Variants in CELF2 observed in about 807,000 individuals in gnomAD.
CELF2 encodes the protein CUGBP Elav-like family member 2.
Under a neutral mutation model 62.6 loss-of-function variants are expected in CELF2, and 8 were observed. That is an observed-to-expected ratio of 0.13 (90% confidence interval 0.07 to 0.23). The LOEUF (loss-of-function observed/expected upper bound fraction) is 0.23. Among genes scored for constraint, CELF2 ranks in the 10% least tolerant of loss-of-function variants. The probability of loss-of-function intolerance (pLI) is 1.00; values close to 1 mark genes in which losing one functional copy is unlikely to be tolerated. For missense variants in CELF2, 333 were observed against 671.0 expected (o/e 0.50, Z 5.56); for synonymous variants, 258 against 250.0 (o/e 1.03, Z -0.30).
At chr10:11,298,845 G>C (rs1338602380) in intron 9 of CELF2, among the ~76,000 whole-genome samples, 1 of 152,192 alleles carries the variant, frequency 6.6e-6, no homozygotes, top group Non-Finnish European at 1.5e-5. Flanking sequence ...GTTAAAACTA[G>C]AATGAGGGCT....
chr10:10,498,408 T>C, the CELF2 span, among the ~76,000 whole-genome samples: 5 of 152,190 alleles, frequency 3.3e-5, no homozygotes, highest in Admixed American at 1.3e-4. Context: ...ATGGTGAAAG[T>C]TGGCCAAGTC....
chr10:11,132,052 A>G (rs147058554), intron 1 of CELF2, among the ~76,000 whole-genome samples: 1 of 152,370 alleles, frequency 6.6e-6, no homozygotes, highest in African/African-American at 2.4e-5. Context: ...GACAGAAAGT[A>G]CAGTTTATAT....
In CELF2 at chr10:11,316,577, T is replaced by A. The variant is rs1263540636; in HGVS notation, c.1096+2319T>A. ...TGGTTACCTGGACAGAGTCAGCTTC[T>A]CAAATAGTTGACGGCAGCTTCCATA... On this transcript the variant is annotated intron_variant, in intron 10 of 12. Transcript: ENST00000633077. The surrounding 1 kb of genome is among the most constrained non-coding windows in gnomAD (Gnocchi z 4.4). Among the ~76,000 whole-genome samples, 1 of 152,198 alleles carries A rather than the reference T, an allele frequency of 6.6e-6. No individual in the cohort carries two copies. Among genetic ancestry groups the A allele is most frequent in the Non-Finnish European group, 1.5e-5 (1 of 68,044 alleles).
chr10:11,087,451 G>T (rs1206381885), intron 1 of CELF2, among the ~76,000 whole-genome samples: 1 of 152,208 alleles, frequency 6.6e-6, no homozygotes, highest in Admixed American at 6.5e-5. Flanking sequence ...AATTGCCCAG[G>T]TGAAGGGAAG....
At chr10:10,805,084 T>C (rs1389165588) in intron 1 of CELF2, among the ~76,000 whole-genome samples, 4 of 152,350 alleles carry the variant, frequency 2.6e-5, no homozygotes, top group South Asian at 2.1e-4. Context: ...TGCCATGCCT[T>C]ATGCTAAGTG....
chr10:11,093,941 A>G (rs915486944), intron 1 of CELF2, among the ~76,000 whole-genome samples: 2 of 152,236 alleles, frequency 1.3e-5, no homozygotes, highest in Non-Finnish European at 2.9e-5. Flanking sequence ...ATTGTCATGG[A>G]CAATTAGTAG....
rs186652592 is a variant in CELF2 at position 11,195,223 on chromosome 10, C to G, written c.272-22202C>G. Among the ~76,000 whole-genome samples the G allele has an allele frequency of 4.0e-3, 613 of 152,306 alleles. 8 individuals carry two copies. The highest frequency in any genetic ancestry group is 9.0e-3 in the Admixed American group (138 of 15,300). On this transcript the variant is annotated intron_variant, in intron 2 of 12. Transcript: ENST00000633077. ...ACTTGGCACTTTTACTGTCCTCTTG[C>G]GAGACTATCCTCCAAGTGCTGTCTG... is the stretch of plus-strand genomic sequence containing the variant.
At position 11,217,366 on chromosome 10, in the gene CELF2, A is replaced by G. The variant is rs2063619580; in HGVS notation, c.272-59A>G. ...AGATTGTTTGTTCGCCACAGTCTCC[A>G]TTATATCTAAGCAAAGCATTCACAG... On this transcript the variant is annotated intron_variant, in intron 2 of 12. Transcript: ENST00000633077. This position sits in a 1 kb window ranked among gnomAD's most constrained non-coding sequence, Gnocchi z 5.6. The G allele has an allele frequency of 2.5e-6, 3 of 1,222,472 alleles. No individual in the cohort carries two copies. The highest frequency in any genetic ancestry group is 1.8e-5 in the Admixed American group (1 of 54,228). The allele number at this position is 1,222,472 out of a possible 1,614,324, so 75.7% of individuals were successfully genotyped here. A position where few individuals can be genotyped will look rare whatever the true frequency, so the allele number is the denominator to read the frequency against.
intron 1 of CELF2, among the ~76,000 whole-genome samples, chr10:11,147,925 GCA>G (rs2132527695): frequency 6.6e-6 from 1 of 152,352 alleles, no homozygotes; most frequent in East Asian, 1.9e-4. Context: ...AGGAGGCATG[GCA>G]CAGTGGCAGC....
intron 9 of CELF2, among the ~76,000 whole-genome samples, chr10:11,295,326 C>A (rs1310981582): frequency 6.6e-6 from 1 of 152,232 alleles, no homozygotes; most frequent in Non-Finnish European, 1.5e-5. Context: ...CATGTCCTTT[C>A]TCTTCTAGCA....
chr10:11,000,085 C>T lies in CELF2; in HGVS notation c.89+80086C>T, dbSNP rs188125807. Among the ~76,000 whole-genome samples, 29 of 152,280 alleles carry T rather than the reference C, an allele frequency of 1.9e-4. No homozygotes were observed. In the East Asian group the frequency reaches 5.2e-3, roughly 27 times the overall value. ...AGTGGTGCTTGGCAAAACATTAGGC[C>T]AAAACTGATCTCTCCATTGTGAACA... On this transcript the variant is annotated intron_variant, in intron 2 of 13. Transcript: ENST00000636488.
chr10:11,335,376 C>T lies in CELF2; in HGVS notation c.*6323C>T, dbSNP rs2096100012. 1.3e-5 allele frequency: 2 copies of T among 152,404 alleles called. No individual in the cohort carries two copies. The highest frequency in any genetic ancestry group is 2.1e-4 in the South Asian group (1 of 4,832). The allele number at this position is 152,404 out of a possible 1,614,324, so 9.4% of individuals were successfully genotyped here. ...AGCTCTGACTCAGGCCACCCAGCACCTGGCAGCCTTCCTCTGCGTGCCAGT... is the reference window on the plus strand; with the variant it reads ...AGCTCTGACTCAGGCCACCCAGCACTTGGCAGCCTTCCTCTGCGTGCCAGT... On this transcript the variant is annotated 3_prime_UTR_variant, in exon 13 of 13. Transcript: ENST00000633077. This position sits in a 1 kb window ranked among gnomAD's most constrained non-coding sequence, Gnocchi z 5.0.
intron 1 of CELF2, chr10:11,030,555 G>A (rs1209358014): frequency 6.6e-6 from 1 of 152,060 alleles, no homozygotes; most frequent in Admixed American, 6.6e-5. Context: ...TCTGTTTCTT[G>A]TCTCCAAAGC....
the CELF2 span, among the ~76,000 whole-genome samples, chr10:10,598,257 G>A: frequency 6.6e-6 from 1 of 152,202 alleles, no homozygotes; most frequent in Non-Finnish European, 1.5e-5. Flanking sequence ...CATGAATAAA[G>A]TATGAACATA....
At chr10:10,481,835 C>T in the CELF2 span, among the ~76,000 whole-genome samples, 15 of 152,178 alleles carry the variant, frequency 9.9e-5, no homozygotes, top group South Asian at 2.9e-3. Flanking sequence ...CCTCTAATAA[C>T]TCAAAATAAT....
chr10:10,745,127 A>C, the CELF2 span, among the ~76,000 whole-genome samples: 2 of 121,190 alleles, frequency 1.7e-5, no homozygotes, highest in African/African-American at 2.9e-5. Context: ...AAAAAAAAAA[A>C]CAAAACAAAA....
Position 11,202,901 on chromosome 10 carries a change from ATCTCTCTCTCTCTCTCTCTCTC to A in CELF2, c.272-14494_272-14473del, listed in dbSNP as rs56373613. Among the ~76,000 whole-genome samples, 90 of 70,990 alleles carry A rather than the reference ATCTCTCTCTCTCTCTCTCTCTC, an allele frequency of 1.3e-3. 1 individual carries two copies. Among genetic ancestry groups the A allele is most frequent in the African/African-American group, 1.9e-3 (30 of 16,004 alleles). 46.6% of individuals were successfully genotyped at this position (70,990 alleles called of 152,430 possible). On this transcript the variant is annotated intron_variant, in intron 2 of 12. Coordinates refer to ENST00000633077, the MANE Select transcript of CELF2 (RefSeq NM_001326342.2). The stretch of plus-strand genomic sequence containing the variant: ...TGCCTGCCTTCCCACCCCCATCCTC[ATCTCTCTCTCTCTCTCTCTCTC>A]TCTCTCTCTCTCTCTCTCTCTCTCT...
chr10:10,969,943 T>C (rs2050583324), intron 2 of CELF2, among the ~76,000 whole-genome samples: 3 of 152,182 alleles, frequency 2.0e-5, no homozygotes, highest in Non-Finnish European at 2.9e-5. Context: ...GGGGAGGAAC[T>C]TTCTCTTTCT....
chr10:10,522,606 A>G, the CELF2 span, among the ~76,000 whole-genome samples: 6 of 152,162 alleles, frequency 3.9e-5, no homozygotes, highest in South Asian at 1.2e-3. Flanking sequence ...TGCTGCTCTT[A>G]TTGTCCAGGC....
Sources: gnomAD v4.1 joint callset for allele counts (sites outside exome capture counted in the v4.1 genomes callset) on GRCh38, gnomAD v4.1.1 for gene constraint, Gnocchi (gnomAD v3.1) non-coding constraint, MANE v1.5 for transcripts, NCBI Gene and HGNC (gene_info 2026-07-23, HGNC 2026-07-21) for gene names.